Variants in DNAAF1 observed in about 807,000 individuals in gnomAD.
The protein encoded by DNAAF1 is dynein axonemal assembly factor 1, also known as dynein assembly factor 1, axonemal.
In DNAAF1, 65 loss-of-function variants were observed where a neutral mutation model predicts 71.1. The ratio of observed to expected loss-of-function variants is 0.91; its 90% confidence interval spans 0.75 to 1.12. The LOEUF is 1.12. DNAAF1 is among the 50% of genes most tolerant of loss of function. The probability of loss-of-function intolerance (pLI) is 0.00; values close to 1 mark genes in which losing one functional copy is unlikely to be tolerated. For synonymous variants in DNAAF1, 414 were observed against 354.6 expected (o/e 1.17, Z -1.88); for missense variants, 1,178 against 899.8 (o/e 1.31, Z -3.96).
At chr16:84,154,444 G>T (rs1354649306) in intron 3 of DNAAF1, 133 bp from the exon 4 acceptor site, 18 of 800,958 alleles carry the variant, frequency 2.2e-5, no homozygotes, top group Non-Finnish European at 3.4e-5. Context: ...CACATTAGGG[G>T]TTAGGATTTC....
At position 84,149,087 on chromosome 16, in the gene DNAAF1, G is replaced by C; in HGVS notation, c.205G>C (p.Gly69Arg). 6.2e-7 allele frequency: 1 copy of C among 1,614,144 alleles called. No homozygotes were observed. Among genetic ancestry groups the C allele is most frequent in the Non-Finnish European group, 8.5e-7 (1 of 1,180,038 alleles). The change falls in exon 2 of 12, where the codon GGG (glycine) becomes CGG (arginine). Residue 69 changes from glycine to arginine, a missense_variant. By Grantham distance (125) the Gly-to-Arg change is moderately radical. Coordinates refer to ENST00000378553, the MANE Select transcript of DNAAF1 (RefSeq NM_178452.6). ...CCAGCAGAAACAGAGTGGTGATAAT[G>C]GGTCAGGTGGTCACTTCGCACACCC... ...HSQQKQSGDN[G>R]SGGHFAHPRE...
chr16:84,177,803 T>G lies in DNAAF1; in HGVS notation c.2140T>G (p.Trp714Gly), dbSNP rs773737684. ...CCAGCCCAGCCAAGCTCTGCCCACG[T>G]GGGACCTCACTGCATTCCCAGCACC... is the stretch of plus-strand genomic sequence containing the variant. Reference protein sequence around the residue: ...VAQPSQALPTWDLTAFPAPKA... With the variant: ...VAQPSQALPTGDLTAFPAPKA... The change falls in exon 12 of 12, where the codon TGG (tryptophan) becomes GGG (glycine). Residue 714 changes from tryptophan to glycine, a missense_variant. Physicochemically the swap from Trp to Gly is radical, Grantham distance 184 (BLOSUM62 -2). Coordinates refer to ENST00000378553, the MANE Select transcript of DNAAF1 (RefSeq NM_178452.6). 3 of 1,614,128 alleles carry G rather than the reference T, an allele frequency of 1.9e-6. No homozygotes were observed. Among genetic ancestry groups the G allele is most frequent in the Non-Finnish European group, 2.5e-6 (3 of 1,179,994 alleles).
chr16:84,165,277 T>C (rs1253601245), intron 6 of DNAAF1, among the ~76,000 whole-genome samples: 1 of 152,190 alleles, frequency 6.6e-6, no homozygotes, highest in African/African-American at 2.4e-5. Context: ...GTGAGGCTTA[T>C]TTATATTTTC....
intron 7 of DNAAF1, 36 bp from the exon 8 acceptor site, chr16:84,169,823 C>T (rs758261461): frequency 2.5e-6 from 4 of 1,612,470 alleles, no homozygotes; most frequent in Non-Finnish European, 3.4e-6. Context: ...CCTCCCAGGA[C>T]ACTCCCACAT....
chr16:84,163,748 C>T (rs546511723), intron 6 of DNAAF1, among the ~76,000 whole-genome samples: 4 of 152,200 alleles, frequency 2.6e-5, no homozygotes, highest in Non-Finnish European at 5.9e-5. Flanking sequence ...TCTGCTTTTC[C>T]CTGGTAGATA....
chr16:84,156,621 T>C (rs137980272), intron 5 of DNAAF1, among the ~76,000 whole-genome samples: 24 of 152,256 alleles, frequency 1.6e-4, no homozygotes, highest in Non-Finnish European at 2.9e-4. Context: ...CTGATGAACA[T>C]TGCCTAGATT....
At chr16:84,163,364 CCTCT>C (rs151099864) in intron 6 of DNAAF1, among the ~76,000 whole-genome samples, 9 of 148,812 alleles carry the variant, frequency 6.0e-5, no homozygotes, top group East Asian at 4.0e-4. Context: ...TCTTTTTTTT[CCTCT>C]CTCTCTCTCT....
At chr16:84,152,420 AG>A (rs951482895) in intron 3 of DNAAF1, among the ~76,000 whole-genome samples, 18 of 152,200 alleles carry the variant, frequency 1.2e-4, no homozygotes, top group African/African-American at 4.3e-4. Flanking sequence ...TGGGAGGCCA[AG>A]GCAGGCAGAT....
At chr16:84,156,497 G>T (rs1020515852) in intron 5 of DNAAF1, among the ~76,000 whole-genome samples, 1 of 152,180 alleles carries the variant, frequency 6.6e-6, no homozygotes, top group Admixed American at 6.5e-5. Context: ...TGTGATGCCT[G>T]CTTGCTTCTC....
At chr16:84,145,679 TAATG>T in intron 1 of DNAAF1, 115 bp downstream of exon 1, 2 of 1,314,984 alleles carry the variant, frequency 1.5e-6, no homozygotes, top group East Asian at 2.5e-5. Flanking sequence ...ACAATAATAA[TAATG>T]GTAGCAAGCA....
chr16:84,161,985 A>C (rs895111282), intron 6 of DNAAF1, among the ~76,000 whole-genome samples: 1 of 152,208 alleles, frequency 6.6e-6, no homozygotes, highest in Non-Finnish European at 1.5e-5. Context: ...ACTGGCATGT[A>C]GCAGGCAACA....
intron 9 of DNAAF1, 128 bp downstream of exon 9, chr16:84,172,503 C>G: frequency 6.6e-7 from 1 of 1,511,272 alleles, no homozygotes; most frequent in Non-Finnish European, 8.9e-7. Flanking sequence ...CCTGGCATTT[C>G]TGGGGCGCTG....
chr16:84,147,771 T>C (rs563936311), intron 1 of DNAAF1, among the ~76,000 whole-genome samples: 1 of 150,784 alleles, frequency 6.6e-6, no homozygotes, highest in African/African-American at 2.4e-5. Flanking sequence ...AAAAAAAAAA[T>C]AAAAATAAAT....
At chr16:84,155,504 A>ACAGGTATG in intron 4 of DNAAF1, 79 bp from the exon 5 acceptor site, 2 of 1,490,424 alleles carry the variant, frequency 1.3e-6, no homozygotes, top group Non-Finnish European at 1.9e-6. Context: ...TGCTGGGATT[A>ACAGGTATG]CAGGTATGAA....
intron 3 of DNAAF1, 109 bp from the exon 4 acceptor site, chr16:84,154,468 T>G (rs2087319182): frequency 1.1e-6 from 1 of 950,094 alleles, no homozygotes; most frequent in Non-Finnish European, 1.7e-6. Context: ...GTATGAATTT[T>G]GAAGGGACAC....
chr16:84,151,194 C>T (rs6563999), intron 3 of DNAAF1, among the ~76,000 whole-genome samples: 114,350 of 151,978 alleles, frequency 0.75, 43,212 homozygotes, highest in East Asian at 0.85. Context: ...GTTCATTTGT[C>T]TCTTCAGTAG....
At position 84,159,570 on chromosome 16, in the gene DNAAF1, G is replaced by T. The variant is rs1194027175; in HGVS notation, c.742-105G>T. ...GACAGGATATTGGCACTTCTATTTT[G>T]CTCAAAAAATAGATTTTGTTCATTT... On this transcript the variant is annotated intron_variant, in intron 5 of 11. Transcript: ENST00000378553. 16 of 1,461,878 alleles carry T rather than the reference G, an allele frequency of 1.1e-5. No homozygotes were observed. The East Asian group carries it at 3.8e-4, about 35-fold the overall frequency. The allele number at this position is 1,461,878 out of a possible 1,614,324, so 90.6% of individuals were successfully genotyped here.
chr16:84,165,819 A>C lies in DNAAF1; in HGVS notation c.900A>C (p.Ala300=), dbSNP rs561066531. 1.2e-6 allele frequency: 2 copies of C among 1,613,692 alleles called. No homozygotes were observed. The highest frequency in any genetic ancestry group is 2.2e-5 in the East Asian group (1 of 44,854). ...CAEAWARGGY[A]AEKEERQQWE... ...AGGCCTGGGCTAGGGGAGGGTACGCAGCTGAAAAGGAGGAGAGACAGCAGT... is the reference window on the plus strand; with the variant it reads ...AGGCCTGGGCTAGGGGAGGGTACGCCGCTGAAAAGGAGGAGAGACAGCAGT... The change falls in exon 7 of 12, where the codon GCA becomes GCC. Residue 300 remains alanine (A), a synonymous_variant. Coordinates refer to ENST00000378553, the MANE Select transcript of DNAAF1 (RefSeq NM_178452.6).
At chr16:84,146,632 C>T (rs1044544470) in intron 1 of DNAAF1, among the ~76,000 whole-genome samples, 4 of 151,970 alleles carry the variant, frequency 2.6e-5, no homozygotes, top group African/African-American at 9.7e-5. Flanking sequence ...CAGGAGAATT[C>T]CCTGAACCCC....
Sources: allele counts gnomAD v4.1 joint callset (sites outside exome capture counted in the v4.1 genomes callset), GRCh38; gene constraint gnomAD v4.1.1; transcripts MANE v1.5; gene names NCBI Gene and HGNC (gene_info 2026-07-23, HGNC 2026-07-21).